The following OSBP2 variants were observed in gnomAD, a reference collection of about 807,000 sequenced individuals.
OSBP2 encodes the protein oxysterol binding protein 2, also known as oxysterol-binding protein 2.
In OSBP2, 66 loss-of-function variants were observed where a neutral mutation model predicts 96.0. The ratio of observed to expected loss-of-function variants is 0.69; its 90% CI spans 0.56 to 0.84. OSBP2 has a LOEUF of 0.84. Among genes scored for constraint, OSBP2 ranks in the 40% least tolerant of loss-of-function variants. OSBP2 has a pLI of 0.00. For synonymous variants in OSBP2, 525 were observed against 520.9 expected (o/e 1.01, Z -0.11); for missense variants, 1,038 against 1,222.7 (o/e 0.85, Z 2.25).
At chr22:30,735,666 T>C (rs1415266994) in intron 1 of OSBP2, among the ~76,000 whole-genome samples, 2 of 152,094 alleles carry the variant, frequency 1.3e-5, no homozygotes, top group African/African-American at 4.8e-5. Context: ...AACCTATTTA[T>C]ATTAAATACT....
intron 2 of OSBP2, among the ~76,000 whole-genome samples, chr22:30,781,526 A>C (rs2090519239): frequency 6.6e-6 from 1 of 152,162 alleles, no homozygotes; most frequent in South Asian, 2.1e-4. Context: ...CCAGCTTGAG[A>C]GGGTGATGTG....
At chr22:30,822,825 CGGCGTGGGG>C (rs2038309874) in intron 2 of OSBP2, 1 of 873,400 alleles carries the variant, frequency 1.1e-6, no homozygotes, top group Non-Finnish European at 1.6e-6. Flanking sequence ...CACTCCCTCG[CGGCGTGGGG>C]AGCGCGGGGA....
In OSBP2 at chr22:30,694,955, CG is replaced by C; in HGVS notation, c.47del (p.Arg16ProfsTer24). 1 of 1,481,880 alleles carries C rather than the reference CG, an allele frequency of 6.7e-7. No homozygotes were observed. Among genetic ancestry groups the C allele is most frequent in the Non-Finnish European group, 8.9e-7 (1 of 1,124,674 alleles). 91.8% of individuals were successfully genotyped at this position (1,481,880 alleles called of 1,614,324 possible). A position where few individuals can be genotyped will look rare whatever the true frequency, so the allele number is the denominator to read the frequency against. On this transcript the variant is annotated frameshift_variant, in exon 1 of 14. Coordinates refer to ENST00000332585, the MANE Select transcript of OSBP2 (RefSeq NM_030758.4). LOFTEE classifies it high-confidence loss of function. ...APSRGGGCGG[R>X]SRGLSSLFTV... Reference sequence around the variant, plus strand: ...GAGCCGAGGCGGCGGCTGTGGCGGCCGCTCCCGCGGGCTCTCGTCGCTGTTC... The same window carrying C: ...GAGCCGAGGCGGCGGCTGTGGCGGCCCTCCCGCGGGCTCTCGTCGCTGTTC...
intron 12 of OSBP2, among the ~76,000 whole-genome samples, chr22:30,900,801 A>G (rs1264045613): frequency 6.6e-6 from 1 of 152,250 alleles, no homozygotes; most frequent in Non-Finnish European, 1.5e-5. Context: ...TATTGTAAAC[A>G]ATGACTTAAT....
intron 12 of OSBP2, among the ~76,000 whole-genome samples, chr22:30,903,060 T>C (rs978402603): frequency 6.6e-5 from 10 of 152,204 alleles, no homozygotes; most frequent in Non-Finnish European, 1.5e-4. Flanking sequence ...CTCGTTTTCC[T>C]AGCAGCACAT....
intron 1 of OSBP2, among the ~76,000 whole-genome samples, chr22:30,740,608 T>C (rs1458717818): frequency 6.6e-6 from 1 of 152,176 alleles, no homozygotes; most frequent in Non-Finnish European, 1.5e-5. Flanking sequence ...AGAAGCAAGA[T>C]GGAGTCAGTT....
intron 1 of OSBP2, among the ~76,000 whole-genome samples, chr22:30,733,340 C>T (rs546364115): frequency 9.8e-5 from 15 of 152,346 alleles, no homozygotes; most frequent in Admixed American, 3.3e-4. Flanking sequence ...CACTCATGTT[C>T]TCTGGGCTCA....
At chr22:30,797,113 T>A (rs136285) in intron 2 of OSBP2, among the ~76,000 whole-genome samples, 64,178 of 151,890 alleles carry the variant, frequency 0.42, 14,773 homozygotes, top group African/African-American at 0.62. Context: ...TCTTTTTGTG[T>A]CTGATCTATT....
intron 2 of OSBP2, among the ~76,000 whole-genome samples, chr22:30,777,769 C>G (rs959090659): frequency 6.6e-6 from 1 of 152,062 alleles, no homozygotes; most frequent in Non-Finnish European, 1.5e-5. Context: ...ATGGCAGCAG[C>G]TGGGGAGAAT....
intron 2 of OSBP2, among the ~76,000 whole-genome samples, chr22:30,800,299 G>T (rs1335285392): frequency 6.6e-6 from 1 of 152,190 alleles, no homozygotes; most frequent in Non-Finnish European, 1.5e-5. Flanking sequence ...AGGCTGCCAT[G>T]TGGGACCAAG....
Position 30,717,086 on chromosome 22 carries a change from G to GTTTTTTT in OSBP2, c.644+21538_644+21539insTTTTTTT, listed in dbSNP as rs144392805. ...AAATCTATTTTGTTTTAATTTTACT[G>GTTTTTTT]TTTTTGTGTGTGTGTGTGTGTGTGT... is the stretch of plus-strand genomic sequence containing the variant. On this transcript the variant is annotated intron_variant, in intron 1 of 13. Coordinates refer to ENST00000332585, the MANE Select transcript of OSBP2 (RefSeq NM_030758.4). Among the ~76,000 whole-genome samples, 98 of 96,552 alleles carry GTTTTTTT rather than the reference G, an allele frequency of 1.0e-3. 6 individuals are homozygous for GTTTTTTT. The highest frequency in any genetic ancestry group is 2.9e-3 in the African/African-American group (70 of 24,028). The allele number at this position is 96,552 out of a possible 152,430, so 63.3% of individuals were successfully genotyped here. A position where few individuals can be genotyped will look rare whatever the true frequency, so the allele number is the denominator to read the frequency against.
intron 2 of OSBP2, among the ~76,000 whole-genome samples, chr22:30,786,560 G>A (rs2090593002): frequency 6.6e-6 from 1 of 152,054 alleles, no homozygotes; most frequent in South Asian, 2.1e-4. Flanking sequence ...CGGGAAGGTT[G>A]CCTAGAGGAG....
At chr22:30,752,337 C>T (rs1376885351) in intron 2 of OSBP2, among the ~76,000 whole-genome samples, 9 of 107,214 alleles carry the variant, frequency 8.4e-5, no homozygotes, top group Middle Eastern at 0.012. Flanking sequence ...CTCACTCTGT[C>T]GCCCAGGCTG....
intron 2 of OSBP2, among the ~76,000 whole-genome samples, chr22:30,792,214 A>G (rs566890864): frequency 6.6e-6 from 1 of 152,196 alleles, no homozygotes; most frequent in Non-Finnish European, 1.5e-5. Flanking sequence ...TCAGGAGGCT[A>G]AGGCAGGAGA....
chr22:30,740,034 C>T (rs1002141750), intron 1 of OSBP2, among the ~76,000 whole-genome samples: 2 of 152,074 alleles, frequency 1.3e-5, no homozygotes, highest in Non-Finnish European at 2.9e-5. Flanking sequence ...TTAGTAGAGA[C>T]GGGATTTCAC....
intron 1 of OSBP2, among the ~76,000 whole-genome samples, chr22:30,738,538 C>G (rs1439397297): frequency 1.3e-5 from 2 of 151,856 alleles, no homozygotes; most frequent in Non-Finnish European, 2.9e-5. Context: ...AAGACAATCG[C>G]TGTTCAAAAA....
At chr22:30,895,809 G>A (rs961647190) in intron 12 of OSBP2, among the ~76,000 whole-genome samples, 12 of 151,756 alleles carry the variant, frequency 7.9e-5, no homozygotes, top group Admixed American at 3.3e-4. Flanking sequence ...ATGGTGGCAC[G>A]CACCTGTAAT....
At chr22:30,820,594 G>A (rs2038253176) in intron 2 of OSBP2, among the ~76,000 whole-genome samples, 1 of 152,106 alleles carries the variant, frequency 6.6e-6, no homozygotes, top group Non-Finnish European at 1.5e-5. Flanking sequence ...GTGACCCTGG[G>A]CAAGTCACTT....
In OSBP2 at chr22:30,907,543, ACT is replaced by A. The variant is rs916119346; in HGVS notation, c.*1206_*1207del. 1.3e-4 allele frequency: 19 copies of A among 149,818 alleles called. No homozygotes were observed. Among genetic ancestry groups the A allele is most frequent in the African/African-American group, 4.5e-4 (18 of 40,416 alleles). The allele number at this position is 149,818 out of a possible 1,614,324, so 9.3% of individuals were successfully genotyped here. A position where few individuals can be genotyped will look rare whatever the true frequency, so the allele number is the denominator to read the frequency against. ...CTGACCCAGCCCCTCAGAATCCCAC[ACT>A]CCAATCCTTTCCATTTCAGTTTAGT... On this transcript the variant is annotated 3_prime_UTR_variant, in exon 14 of 14. Transcript: ENST00000332585.
Sources: allele counts gnomAD v4.1 joint callset (sites outside exome capture counted in the v4.1 genomes callset), GRCh38; gene constraint gnomAD v4.1.1; transcripts MANE v1.5; gene names NCBI Gene and HGNC (gene_info 2026-07-23, HGNC 2026-07-21).